Variants in NALF1 observed in about 807,000 individuals in gnomAD.
NALF1 encodes the protein family with sequence similarity 155 member A.
A neutral mutation model predicts 48.4 loss-of-function variants in NALF1; 3 were observed. The observed-to-expected ratio is 0.06, with a 90% confidence interval of 0.03 to 0.16. The LOEUF is 0.16. NALF1 is among the 10% of genes least tolerant of loss of function. The pLI, the probability that NALF1 is intolerant of heterozygous loss-of-function variation, is 1.00. For missense variants in NALF1, 526 were observed against 571.5 expected (o/e 0.92, Z 0.81); for synonymous variants, 262 against 245.7 (o/e 1.07, Z -0.62).
chr13:107,291,406 C>T (rs978607854), intron 1 of NALF1, among the ~76,000 whole-genome samples: 4 of 151,430 alleles, frequency 2.6e-5, no homozygotes, highest in African/African-American at 4.9e-5. Context: ...CCAGACCTCA[C>T]GTGATGGTGC....
At chr13:107,204,969 T>C (rs983642456) in intron 2 of NALF1, among the ~76,000 whole-genome samples, 3 of 152,160 alleles carry the variant, frequency 2.0e-5, no homozygotes, top group Admixed American at 6.5e-5. Context: ...ATTTTTTTTT[T>C]CTACTGAAAT....
intron 1 of NALF1, among the ~76,000 whole-genome samples, chr13:107,654,482 A>G (rs1269211327): frequency 6.6e-6 from 1 of 152,146 alleles, no homozygotes; most frequent in Admixed American, 6.6e-5. Flanking sequence ...AATAACAAGC[A>G]GTGAAATCGA....
At chr13:107,770,743 C>T (rs79459272) in intron 1 of NALF1, among the ~76,000 whole-genome samples, 1,582 of 152,330 alleles carry the variant, frequency 0.01, 32 homozygotes, top group African/African-American at 0.033. Flanking sequence ...TCAATGGGCT[C>T]ATTGTAAATG....
At chr13:107,443,021 A>C (rs1884585575) in intron 1 of NALF1, among the ~76,000 whole-genome samples, 1 of 152,202 alleles carries the variant, frequency 6.6e-6, no homozygotes, top group African/African-American at 2.4e-5. Flanking sequence ...AAGTTACTGG[A>C]TGCATTATAA....
chr13:107,575,126 T>C (rs1566399492), intron 1 of NALF1, among the ~76,000 whole-genome samples: 2 of 152,124 alleles, frequency 1.3e-5, no homozygotes, highest in East Asian at 1.9e-4. Context: ...CATTTTCCAC[T>C]AACACTGGAA....
Position 107,624,329 on chromosome 13 carries a change from A to C in NALF1, c.915+241353T>G, listed in dbSNP as rs558911022. ...AGTGGGGAGCAAGGATGGGAAAAAC[A>C]TAAGAAACAAATGAAAGAGCTCTTA... On this transcript the variant is annotated intron_variant, in intron 1 of 2. Coordinates refer to ENST00000375915, the MANE Select transcript of NALF1 (RefSeq NM_001080396.3). Among the ~76,000 whole-genome samples, 12 of 152,288 alleles carry C rather than the reference A, an allele frequency of 7.9e-5. 1 individual carries two copies. The South Asian group carries it at 2.5e-3, about 32-fold the overall frequency.
At chr13:107,718,083 C>G (rs760909665) in intron 1 of NALF1, among the ~76,000 whole-genome samples, 8 of 152,120 alleles carry the variant, frequency 5.3e-5, no homozygotes, top group African/African-American at 1.7e-4. Flanking sequence ...GTCTCTTCAG[C>G]GAATGCGTAT....
intron 1 of NALF1, among the ~76,000 whole-genome samples, chr13:107,227,388 C>A (rs947062233): frequency 6.6e-6 from 1 of 152,200 alleles, no homozygotes; most frequent in Non-Finnish European, 1.5e-5. Flanking sequence ...GTTTAAGACA[C>A]AAAGTGTGCA....
intron 1 of NALF1, among the ~76,000 whole-genome samples, chr13:107,430,849 G>C (rs1884367869): frequency 6.6e-6 from 1 of 152,110 alleles, no homozygotes; most frequent in Admixed American, 6.5e-5. Context: ...GGTATTTCTA[G>C]TTCTAGATCC....
At chr13:107,521,069 A>G (rs1438350114) in intron 1 of NALF1, among the ~76,000 whole-genome samples, 2 of 152,218 alleles carry the variant, frequency 1.3e-5, no homozygotes, top group African/African-American at 4.8e-5. Flanking sequence ...AGTAAGCTTT[A>G]TAAGAAGTGA....
intron 1 of NALF1, among the ~76,000 whole-genome samples, chr13:107,800,021 A>C (rs879511050): frequency 1.3e-5 from 2 of 152,184 alleles, no homozygotes; most frequent in Non-Finnish European, 2.9e-5. Flanking sequence ...AAGGGCGGAG[A>C]GGGAGGTGCT....
At chr13:107,859,824 A>C (rs1254952983) in intron 1 of NALF1, among the ~76,000 whole-genome samples, 1 of 149,968 alleles carries the variant, frequency 6.7e-6, no homozygotes, top group Non-Finnish European at 1.5e-5. Flanking sequence ...CTGAGGCAGG[A>C]GAATCGCTTG....
In NALF1 at chr13:107,867,166, C is replaced by T. The variant is rs940437506; in HGVS notation, c.-570G>A. 2.6e-5 allele frequency among the ~76,000 whole-genome samples: 4 copies of T among 151,926 alleles called. No homozygotes were observed. Among genetic ancestry groups the T allele is most frequent in the Non-Finnish European group, 5.9e-5 (4 of 67,932 alleles). ...TCCTCTTCTTCTCCTCCTCTTCCTC[C>T]TCCTTCCTTTCCTTCTCCTTCTTCT... On this transcript the variant is annotated 5_prime_UTR_variant, in exon 1 of 3. Transcript: ENST00000375915. This position sits in a 1 kb window ranked among gnomAD's most constrained non-coding sequence, Gnocchi z 4.4.
At chr13:107,545,559 G>A (rs1371470188) in intron 1 of NALF1, among the ~76,000 whole-genome samples, 3 of 152,128 alleles carry the variant, frequency 2.0e-5, no homozygotes, top group Non-Finnish European at 4.4e-5. Context: ...ACTCCCTGAA[G>A]GACAGTTGGA....
chr13:107,609,688 CA>C (rs112528461), intron 1 of NALF1, among the ~76,000 whole-genome samples: 12 of 151,744 alleles, frequency 7.9e-5, no homozygotes, highest in South Asian at 2.1e-4. Context: ...TGAAATCCTC[CA>C]AAAAAAATGT....
At chr13:107,714,296 G>A (rs1875684815) in intron 1 of NALF1, among the ~76,000 whole-genome samples, 1 of 152,130 alleles carries the variant, frequency 6.6e-6, no homozygotes, top group Non-Finnish European at 1.5e-5. Flanking sequence ...CAGATCACTT[G>A]TTGGCCTCTG....
chr13:107,286,931 A>T (rs1247045466), intron 1 of NALF1, among the ~76,000 whole-genome samples: 1 of 152,212 alleles, frequency 6.6e-6, no homozygotes, highest in Non-Finnish European at 1.5e-5. Flanking sequence ...TTGATGTGTA[A>T]GGGGTATAAT....
rs184800768 is a variant in NALF1, at chr13:107,178,895, C to A, written c.1088-8109G>T. 5.9e-4 allele frequency among the ~76,000 whole-genome samples: 89 copies of A among 151,474 alleles called. No homozygotes were observed. The East Asian group carries it at 0.011, about 19-fold the overall frequency. On this transcript the variant is annotated intron_variant, in intron 2 of 2. Coordinates refer to ENST00000375915, the MANE Select transcript of NALF1 (RefSeq NM_001080396.3). ...AGGAGGCGGAGCTTGCAGTGAGCCG[C>A]GATCCCGCCACTGCACTCCAGCCTG...
At chr13:107,295,507 C>T (rs1341344492) in intron 1 of NALF1, among the ~76,000 whole-genome samples, 2 of 152,172 alleles carry the variant, frequency 1.3e-5, no homozygotes, top group African/African-American at 4.8e-5. Flanking sequence ...GTGCCTCCCC[C>T]TGCTCAGTGT....
Sources: gnomAD v4.1 joint callset for allele counts (sites outside exome capture counted in the v4.1 genomes callset) on GRCh38, gnomAD v4.1.1 for gene constraint, Gnocchi (gnomAD v3.1) non-coding constraint, MANE v1.5 for transcripts, NCBI Gene and HGNC (gene_info 2026-07-23, HGNC 2026-07-21) for gene names.